ARHGEF3: variants seen among roughly 807,000 people sequenced by gnomAD.
ARHGEF3 encodes the protein 59.8 kDA protein.
A neutral mutation model predicts 63.2 loss-of-function variants in ARHGEF3; 28 were observed. The observed-to-expected ratio is 0.44, with a 90% CI of 0.33 to 0.61. The LOEUF is 0.61. Ranked by LOEUF, ARHGEF3 falls within the 20% of genes least tolerant of loss-of-function variation. ARHGEF3 has a pLI of 0.03. For missense variants in ARHGEF3, 533 were observed against 659.3 expected (o/e 0.81, Z 2.10); for synonymous variants, 266 against 254.2 (o/e 1.05, Z -0.44).
intron 2 of ARHGEF3, among the ~76,000 whole-genome samples, chr3:56,967,507 A>G (rs1229078122): frequency 1.1e-5 from 1 of 88,216 alleles, no homozygotes; most frequent in Non-Finnish European, 1.9e-5. Flanking sequence ...ATTACATAAT[A>G]TATAATATAA....
intron 3 of ARHGEF3, among the ~76,000 whole-genome samples, chr3:56,928,326 G>A (rs1014806970): frequency 4.6e-5 from 7 of 150,602 alleles, no homozygotes; most frequent in African/African-American, 1.2e-4. Context: ...GAGGCTCAGC[G>A]AGGTTGGGTT....
chr3:56,733,721 C>T (rs1422772630), intron 8 of ARHGEF3, among the ~76,000 whole-genome samples: 2 of 151,856 alleles, frequency 1.3e-5, no homozygotes, highest in African/African-American at 4.8e-5. Flanking sequence ...CAGTGGCTCA[C>T]GCCTGGAATC....
intron 1 of ARHGEF3, among the ~76,000 whole-genome samples, chr3:56,776,764 A>T (rs1024431460): frequency 3.3e-5 from 5 of 152,126 alleles, no homozygotes; most frequent in Non-Finnish European, 5.9e-5. Flanking sequence ...ACAGAACACA[A>T]CCTGCAGGGA....
chr3:56,857,964 C>A (rs1190944275), intron 4 of ARHGEF3, among the ~76,000 whole-genome samples: 1 of 152,146 alleles, frequency 6.6e-6, no homozygotes, highest in Non-Finnish European at 1.5e-5. Flanking sequence ...TTGAAAGTTT[C>A]TTGGTTTAGC....
chr3:56,956,217 G>T (rs1700035164), intron 3 of ARHGEF3, among the ~76,000 whole-genome samples: 1 of 149,812 alleles, frequency 6.7e-6, no homozygotes, highest in African/African-American at 2.5e-5. Context: ...CAGGGTTGGT[G>T]TTTTTTTTTT....
chr3:56,813,403 T>G (rs1252991484), intron 4 of ARHGEF3, among the ~76,000 whole-genome samples: 3 of 152,196 alleles, frequency 2.0e-5, no homozygotes, highest in Admixed American at 2.0e-4. Flanking sequence ...TAGAATGTTT[T>G]GAAAGGGAAA....
chr3:56,804,637 C>T (rs1216776736), upstream of ARHGEF3, among the ~76,000 whole-genome samples: 2 of 152,140 alleles, frequency 1.3e-5, no homozygotes, highest in East Asian at 1.9e-4. Context: ...TTTTTTCCCT[C>T]GATAGATAAC....
At chr3:56,819,962 A>G (rs914954845) in intron 4 of ARHGEF3, among the ~76,000 whole-genome samples, 7 of 151,936 alleles carry the variant, frequency 4.6e-5, no homozygotes, top group African/African-American at 1.7e-4. Context: ...GGCGTGCACC[A>G]CCATACCCAG....
At chr3:57,041,882 G>A (rs909164714) in intron 1 of ARHGEF3, among the ~76,000 whole-genome samples, 6 of 152,120 alleles carry the variant, frequency 3.9e-5, no homozygotes, top group East Asian at 1.9e-4. Context: ...CAAGCCACCC[G>A]CTCCAGATGA....
chr3:56,808,456 A>G (rs1361191305), intron 4 of ARHGEF3, among the ~76,000 whole-genome samples: 1 of 151,926 alleles, frequency 6.6e-6, no homozygotes, highest in African/African-American at 2.4e-5. Flanking sequence ...TGGGCGTAGT[A>G]GCATGTGCCT....
At chr3:56,809,243 A>T (rs1417996418) in intron 4 of ARHGEF3, among the ~76,000 whole-genome samples, 1 of 152,248 alleles carries the variant, frequency 6.6e-6, no homozygotes, top group Non-Finnish European at 1.5e-5. Flanking sequence ...GAGGGGACAG[A>T]AAACTGTCTT....
chr3:57,037,370 T>C (rs1704004199), intron 1 of ARHGEF3, among the ~76,000 whole-genome samples: 1 of 152,078 alleles, frequency 6.6e-6, no homozygotes, highest in Non-Finnish European at 1.5e-5. Flanking sequence ...TGTCCCAAGC[T>C]CCTCTGCAGC....
At chr3:56,967,286 T>A (rs1372331924) in intron 2 of ARHGEF3, among the ~76,000 whole-genome samples, 1 of 121,902 alleles carries the variant, frequency 8.2e-6, no homozygotes, top group African/African-American at 3.2e-5. Flanking sequence ...TATTATATTA[T>A]ATATTATACA....
intron 2 of ARHGEF3, among the ~76,000 whole-genome samples, chr3:56,997,304 C>T (rs1702032198): frequency 6.6e-6 from 1 of 152,184 alleles, no homozygotes; most frequent in African/African-American, 2.4e-5. Context: ...AGCCTGTCCA[C>T]TCACATGCCC....
intron 2 of ARHGEF3, among the ~76,000 whole-genome samples, chr3:57,014,445 G>A (rs150786145): frequency 1.6e-4 from 24 of 152,116 alleles, no homozygotes; most frequent in African/African-American, 5.8e-4. Flanking sequence ...GAAGAAAGCA[G>A]GAAATCGAGC....
intron 4 of ARHGEF3, among the ~76,000 whole-genome samples, chr3:56,863,728 C>T (rs185780762): frequency 6.6e-6 from 1 of 152,290 alleles, no homozygotes; most frequent in East Asian, 1.9e-4. Flanking sequence ...AGCCACCACA[C>T]CCGGCCCACA....
intron 3 of ARHGEF3, among the ~76,000 whole-genome samples, chr3:56,906,909 G>T (rs1352675465): frequency 1.3e-5 from 2 of 149,270 alleles, no homozygotes; most frequent in African/African-American, 4.9e-5. Context: ...AATGTTGTCT[G>T]CTTCTTTTTA....
At chr3:56,975,731 G>A (rs772195422) in intron 2 of ARHGEF3, 59 of 401,186 alleles carry the variant, frequency 1.5e-4, no homozygotes, top group Non-Finnish European at 2.4e-4. Flanking sequence ...AGCCACAACA[G>A]AGGAAAGGAG....
At chr3:56,913,306 C>CA (rs529881780) in intron 3 of ARHGEF3, among the ~76,000 whole-genome samples, 11 of 151,462 alleles carry the variant, frequency 7.3e-5, no homozygotes, top group African/African-American at 1.2e-4. Context: ...AACTCAATAG[C>CA]AAAAAAAATA....
Sources: gnomAD v4.1 joint callset for allele counts (sites outside exome capture counted in the v4.1 genomes callset) on GRCh38, gnomAD v4.1.1 for gene constraint, MANE v1.5 for transcripts, NCBI Gene and HGNC (gene_info 2026-07-23, HGNC 2026-07-21) for gene names.